The following DMD variants were observed in gnomAD, a reference collection of about 807,000 sequenced individuals.
DMD encodes dystrophin, also known as mutant dystrophin.
Under a neutral mutation model 330.1 loss-of-function variants are expected in DMD, and 63 were observed. The ratio of observed to expected loss-of-function variants is 0.19; its 90% CI spans 0.16 to 0.24. The LOEUF is 0.24. Among genes scored for constraint, DMD ranks in the 10% least tolerant of loss-of-function variants. The pLI is 1.00. For synonymous variants in DMD, 1,223 were observed against 959.8 expected (o/e 1.27, Z -5.07); for missense variants, 3,344 against 2,684.1 (o/e 1.25, Z -5.43).
At chrX:32,453,611 T>C (rs2098342660) in intron 26 of DMD, among the ~76,000 whole-genome samples, 1 of 110,646 alleles carries the variant, frequency 9.0e-6, no homozygotes, top group Admixed American at 9.6e-5. Context: ...TGAGTCATGG[T>C]CATTTATACT....
chrX:32,240,344 A>T (rs190771523), intron 43 of DMD, among the ~76,000 whole-genome samples: 3 of 111,409 alleles, frequency 2.7e-5, no homozygotes, highest in Non-Finnish European at 5.7e-5. Context: ...GGCCAAAGCC[A>T]TCCAGAATGA....
At chrX:32,238,422 T>C (rs1231542842) in intron 43 of DMD, among the ~76,000 whole-genome samples, 4 of 107,602 alleles carry the variant, frequency 3.7e-5, no homozygotes, top group Non-Finnish European at 5.8e-5. Flanking sequence ...ATGACATGTG[T>C]TCCCACAGAA....
At chrX:31,534,922 A>T (rs1426930268) in intron 55 of DMD, among the ~76,000 whole-genome samples, 1 of 46,793 alleles carries the variant, frequency 2.1e-5, no homozygotes, top group Non-Finnish European at 3.6e-5. Flanking sequence ...TAGGAATCCA[A>T]CTTACAAGGG....
chrX:32,134,380 A>G (rs2096714187), intron 44 of DMD, among the ~76,000 whole-genome samples: 1 of 111,710 alleles, frequency 9.0e-6, no homozygotes. Context: ...CAGGGCATTT[A>G]AAGAACTGAA....
chrX:31,247,216 A>C (rs1479362837), intron 63 of DMD, among the ~76,000 whole-genome samples: 1 of 111,918 alleles, frequency 8.9e-6, no homozygotes, highest in Non-Finnish European at 1.9e-5. Context: ...AAAAATTGTG[A>C]CTTTCAACTC....
At position 33,227,072 on chromosome X, in the gene DMD, A is replaced by G. The variant is rs180946699; in HGVS notation, c.7+112187T>C. On this transcript the variant is annotated intron_variant, in intron 1 of 17. Transcript: ENST00000288447. The stretch of plus-strand genomic sequence containing the variant: ...AAATATGCAAATCAGAATTCTGGGT[A>G]TCGTTTAAATAAAATATTTAGAGTC... Among the ~76,000 whole-genome samples, 14 of 110,249 alleles carry G rather than the reference A, an allele frequency of 1.3e-4. No individual in the cohort carries two copies. The East Asian group carries it at 4.0e-3, about 31-fold the overall frequency.
chrX:31,956,667 T>C (rs947365570), intron 45 of DMD, among the ~76,000 whole-genome samples: 2 of 112,299 alleles, frequency 1.8e-5, no homozygotes, highest in Non-Finnish European at 3.8e-5. Flanking sequence ...ATTGTTGTTA[T>C]TGGCAATAAT....
At chrX:32,765,503 C>A (rs2072868410) in intron 7 of DMD, among the ~76,000 whole-genome samples, 1 of 111,173 alleles carries the variant, frequency 9.0e-6, no homozygotes, top group African/African-American at 3.3e-5. Context: ...AAATGTGAGC[C>A]AATTAAACCT....
chrX:31,836,061 T>A (rs1016943892), intron 49 of DMD, among the ~76,000 whole-genome samples: 7 of 111,922 alleles, frequency 6.3e-5, no homozygotes, highest in Non-Finnish European at 1.1e-4. Context: ...TAGCTATTTT[T>A]TGAAAACTGA....
At chrX:31,674,370 C>T (rs185196837) in intron 53 of DMD, among the ~76,000 whole-genome samples, 109 of 112,465 alleles carry the variant, frequency 9.7e-4, no homozygotes, top group Middle Eastern at 4.6e-3. Flanking sequence ...TATAGAATGT[C>T]TGTGTTTCAA....
At position 31,577,301 on chromosome X, in the gene DMD, T is replaced by C. The variant is rs776172651; in HGVS notation, c.8217+50372A>G. Among the ~76,000 whole-genome samples the C allele has an allele frequency of 9.8e-5, 11 of 112,683 alleles. No homozygotes were observed. The East Asian group carries it at 3.1e-3, about 31-fold the overall frequency. ...TTTTTTGTAAAGTATTACCCGCCTTTTGATGGCATGTCCTTAATGACTACC... is the reference window on the plus strand; with the variant it reads ...TTTTTTGTAAAGTATTACCCGCCTTCTGATGGCATGTCCTTAATGACTACC... On this transcript the variant is annotated intron_variant, in intron 55 of 78. Coordinates refer to ENST00000357033, the MANE Select transcript of DMD (RefSeq NM_004006.3).
At chrX:32,304,567 G>A (rs141543522) in intron 42 of DMD, among the ~76,000 whole-genome samples, 1,478 of 110,767 alleles carry the variant, frequency 0.013, 20 homozygotes, top group African/African-American at 0.044. Flanking sequence ...CTTCTCTATA[G>A]TACAAATCTT....
At chrX:31,899,882 A>T (rs2094399467) in intron 47 of DMD, among the ~76,000 whole-genome samples, 1 of 111,514 alleles carries the variant, frequency 9.0e-6, no homozygotes, top group East Asian at 2.8e-4. Flanking sequence ...TGGTACAAAC[A>T]TCCCTGCTAG....
In DMD at chrX:32,863,915, T is replaced by C. The variant is rs145743673; in HGVS notation, c.94-14095A>G. On this transcript the variant is annotated intron_variant, in intron 2 of 78. Coordinates refer to ENST00000357033, the MANE Select transcript of DMD (RefSeq NM_004006.3). The stretch of plus-strand genomic sequence containing the variant: ...CTTCTTCCATGCCTGTAAGGGTCTG[T>C]CTACAGGAAGTTCCAAATCAAAGAA... Among the ~76,000 whole-genome samples the C allele has an allele frequency of 9.3e-3, 1,046 of 111,897 alleles. 14 individuals are homozygous for C. Among genetic ancestry groups the C allele is most frequent in the African/African-American group, 0.032 (980 of 30,706 alleles).
chrX:32,117,688 AC>A (rs1239713126), intron 44 of DMD, among the ~76,000 whole-genome samples: 2 of 112,218 alleles, frequency 1.8e-5, no homozygotes, highest in Non-Finnish European at 3.8e-5. Context: ...CTATGATTTA[AC>A]CTTGTCGCAA....
At chrX:31,474,039 C>T (rs374220922) in intron 59 of DMD, among the ~76,000 whole-genome samples, 3 of 111,951 alleles carry the variant, frequency 2.7e-5, no homozygotes, top group East Asian at 5.6e-4. Context: ...GCATTTAAAA[C>T]TTAAATTTGA....
chrX:32,276,382 G>C (rs770708144), intron 43 of DMD, among the ~76,000 whole-genome samples: 3 of 112,391 alleles, frequency 2.7e-5, no homozygotes, highest in African/African-American at 9.7e-5. Context: ...TGTGACCTAG[G>C]GAGACACCAG....
At chrX:32,769,400 C>T (rs1298610595) in intron 7 of DMD, among the ~76,000 whole-genome samples, 1 of 111,401 alleles carries the variant, frequency 9.0e-6, no homozygotes, top group Non-Finnish European at 1.9e-5. Context: ...GATTCAATTA[C>T]CTCCCACTGG....
Position 32,827,058 on chromosome X carries a change from C to G in DMD, c.265-3671G>C, listed in dbSNP as rs1204858591. Among the ~76,000 whole-genome samples the G allele has an allele frequency of 1.7e-3, 102 of 58,644 alleles. 8 individuals are homozygous for G. Among genetic ancestry groups the G allele is most frequent in the African/African-American group, 7.5e-3 (100 of 13,299 alleles). 50.9% of individuals were successfully genotyped at this position (58,644 alleles called of 115,157 possible). ...TAAGTCATTGGAACACACATCGCAC[C>G]CCCCCCCCACACACACACACACACA... On this transcript the variant is annotated intron_variant, in intron 4 of 78. Transcript: ENST00000357033.
Sources: gnomAD v4.1 joint callset for allele counts (sites outside exome capture counted in the v4.1 genomes callset) on GRCh38, gnomAD v4.1.1 for gene constraint, MANE v1.5 for transcripts, NCBI Gene and HGNC (gene_info 2026-07-23, HGNC 2026-07-21) for gene names.